Variants in IMMT observed in about 807,000 individuals in gnomAD.
IMMT encodes inner membrane mitochondrial protein.
Under a neutral mutation model 92.7 loss-of-function variants are expected in IMMT, and 40 were observed. The ratio of observed to expected loss-of-function variants is 0.43; its 90% CI spans 0.34 to 0.56. IMMT has a LOEUF of 0.56. IMMT is among the 20% of genes least tolerant of loss of function. The pLI is 0.03. For missense variants in IMMT, 831 were observed against 912.1 expected (o/e 0.91, Z 1.14); for synonymous variants, 322 against 336.1 (o/e 0.96, Z 0.46).
rs745452749 is a variant in IMMT, at chr2:86,195,308, T to G, written c.45+30A>C. The G allele has an allele frequency of 9.9e-5, 152 of 1,529,362 alleles. 3 individuals are homozygous for G. In the South Asian group the frequency reaches 1.8e-3, roughly 18 times the overall value. The allele number at this position is 1,529,362 out of a possible 1,614,324, so 94.7% of individuals were successfully genotyped here. On this transcript the variant is annotated intron_variant, in intron 1 of 14. Transcript: ENST00000410111. ...CGCTGACGGTTCTAGTTCAGCCTCCTCACGCGCCTCCGGGAGCCCCAGTGC... is the reference window on the plus strand; with the variant it reads ...CGCTGACGGTTCTAGTTCAGCCTCCGCACGCGCCTCCGGGAGCCCCAGTGC...
intron 7 of IMMT, among the ~76,000 whole-genome samples, chr2:86,163,532 T>C (rs1258527915): frequency 6.6e-6 from 1 of 152,128 alleles, no homozygotes; most frequent in Admixed American, 6.6e-5. Flanking sequence ...AAGAAAATGG[T>C]TTTAAATTTC....
At chr2:86,173,893 T>C in intron 3 of IMMT, 132 bp from the exon 4 acceptor site, 1 of 574,092 alleles carries the variant, frequency 1.7e-6, no homozygotes, top group South Asian at 2.1e-5. Context: ...GTAACATATG[T>C]ATTTTATTAA....
At chr2:86,145,513 A>G (rs906892518) in intron 14 of IMMT, among the ~76,000 whole-genome samples, 5 of 150,890 alleles carry the variant, frequency 3.3e-5, no homozygotes, top group Admixed American at 1.3e-4. Flanking sequence ...AAAAAAAAAA[A>G]AAAAAGAAAT....
At chr2:86,195,080 T>C (rs1673441211) in intron 1 of IMMT, 1 of 416,918 alleles carries the variant, frequency 2.4e-6, no homozygotes, top group East Asian at 3.7e-5. Flanking sequence ...AGCGCGGCCC[T>C]GATTGGACTA....
intron 8 of IMMT, among the ~76,000 whole-genome samples, chr2:86,160,310 G>A (rs1676179698): frequency 6.6e-6 from 1 of 152,176 alleles, no homozygotes; most frequent in Admixed American, 6.5e-5. Flanking sequence ...TGAATCATGA[G>A]CACACAATAA....
At position 86,144,434 on chromosome 2, in the gene IMMT, T is replaced by C. The variant is rs747799315; in HGVS notation, c.2111A>G (p.Glu704Gly). ...ASYCIEHGDLELAAKFVNQLK... is the reference protein window; with the variant it reads ...ASYCIEHGDLGLAAKFVNQLK... ...CTGATTGACAAACTTTGCTGCTAGCTCCAGATCACCATGCTCAATGCAATA... is the reference window on the plus strand; with the variant it reads ...CTGATTGACAAACTTTGCTGCTAGCCCCAGATCACCATGCTCAATGCAATA... Residue 704 changes from glutamate (E) to glycine (G), a missense_variant, in exon 15 of 15, where the codon GAG (glutamate) becomes GGG (glycine). Transcript: ENST00000410111. 4.3e-6 allele frequency: 7 copies of C among 1,613,870 alleles called. No homozygotes were observed. Among genetic ancestry groups the C allele is most frequent in the African/African-American group, 1.3e-5 (1 of 74,916 alleles).
intron 14 of IMMT, 41 bp from the exon 15 acceptor site, chr2:86,144,922 A>G (rs72839332): frequency 0.01 from 16,013 of 1,544,738 alleles, 93 homozygotes; most frequent in Non-Finnish European, 0.012. Flanking sequence ...TTTTCTCTCC[A>G]TCTGACAACA....
chr2:86,166,489 A>T lies in IMMT; in HGVS notation c.792+19T>A, dbSNP rs1573911194. 3 of 1,598,534 alleles carry T rather than the reference A, an allele frequency of 1.9e-6. No individual in the cohort carries two copies. The highest frequency in any genetic ancestry group is 1.7e-6 in the Non-Finnish European group (2 of 1,173,234). On this transcript the variant is annotated intron_variant, in intron 7 of 14. Coordinates refer to ENST00000410111, the MANE Select transcript of IMMT (RefSeq NM_006839.3). ...AAGTCATGACAGCCAGAACACTTCT[A>T]ATCATTCATTGGGCTCACCTCAGAA...
rs2105393014 is a variant in IMMT, at chr2:86,179,538, A to G, written c.204T>C (p.Asp68=). ...TCTCTACACTTTCCCGGAAATGGGA[A>G]TCCCATTTGGCATATAGGATAGTGC... ...IGGTILYAKW[D]SHFRESVEKT... The change falls in exon 3 of 15, where the codon GAT becomes GAC. Residue 68 remains aspartate, a synonymous_variant. Coordinates refer to ENST00000410111, the MANE Select transcript of IMMT (RefSeq NM_006839.3). 6.2e-7 allele frequency: 1 copy of G among 1,613,104 alleles called. No homozygotes were observed. Among genetic ancestry groups the G allele is most frequent in the East Asian group, 2.2e-5 (1 of 44,860 alleles).
At chr2:86,168,976 C>T (rs1238082212) in intron 6 of IMMT, among the ~76,000 whole-genome samples, 1 of 152,186 alleles carries the variant, frequency 6.6e-6, no homozygotes, top group Non-Finnish European at 1.5e-5. Flanking sequence ...AGAAAGTGGG[C>T]TGCTGGGAGG....
chr2:86,179,402 G>T, intron 3 of IMMT, 31 bp downstream of exon 3: 1 of 1,480,776 alleles, frequency 6.8e-7, no homozygotes, highest in Non-Finnish European at 9.0e-7. Flanking sequence ...TATTTCATTG[G>T]ATAAACTGAA....
intron 1 of IMMT, among the ~76,000 whole-genome samples, chr2:86,188,187 G>A (rs960926941): frequency 6.6e-6 from 1 of 151,832 alleles, no homozygotes; most frequent in Non-Finnish European, 1.5e-5. Flanking sequence ...TTACAGGTGT[G>A]TACCACCATG....
chr2:86,146,000 C>G, intron 14 of IMMT, 68 bp downstream of exon 14: 1 of 1,266,178 alleles, frequency 7.9e-7, no homozygotes, highest in Non-Finnish European at 1.1e-6. Context: ...CCCATTTTCC[C>G]TATAAAATTA....
chr2:86,162,093 T>C lies in IMMT; in HGVS notation c.793-14A>G. Reference sequence around the variant, plus strand: ...CTCGCCTGCAATCTAAACAAAAAATTTTAATTATATAATAAATAACTGCTA... The same window carrying C: ...CTCGCCTGCAATCTAAACAAAAAATCTTAATTATATAATAAATAACTGCTA... On this transcript the variant is annotated splice_polypyrimidine_tract_variant and intron_variant, in intron 7 of 14. Transcript: ENST00000410111. 1 of 1,484,956 alleles carries C rather than the reference T, an allele frequency of 6.7e-7. No individual in the cohort carries two copies. The highest frequency in any genetic ancestry group is 9.1e-7 in the Non-Finnish European group (1 of 1,098,086). The allele number at this position is 1,484,956 out of a possible 1,614,324, so 92.0% of individuals were successfully genotyped here.
At chr2:86,190,500 T>C (rs1020168054) in intron 1 of IMMT, among the ~76,000 whole-genome samples, 1 of 152,210 alleles carries the variant, frequency 6.6e-6, no homozygotes, top group African/African-American at 2.4e-5. Context: ...GGAAAGCCCA[T>C]GTCCTCCAAA....
chr2:86,159,062 CTTGG>C (rs1038573319), intron 9 of IMMT, among the ~76,000 whole-genome samples: 9 of 151,422 alleles, frequency 5.9e-5, no homozygotes, highest in Non-Finnish European at 1.2e-4. Context: ...GAACAATCCA[CTTGG>C]TTGGTGTCCA....
intron 7 of IMMT, 68 bp downstream of exon 7, chr2:86,166,440 C>T: frequency 6.8e-7 from 1 of 1,466,144 alleles, no homozygotes. Flanking sequence ...TTCTCTCCAC[C>T]CTCGATTTTT....
chr2:86,158,845 C>CCTGA lies in IMMT; in HGVS notation c.1033-125_1033-124insTCAG, dbSNP rs1240828888. 3.8e-5 allele frequency: 30 copies of CCTGA among 782,110 alleles called. 1 individual carries two copies. In the Middle Eastern group the frequency reaches 2.3e-3, roughly 60 times the overall value. 48.4% of individuals were successfully genotyped at this position (782,110 alleles called of 1,614,324 possible). On this transcript the variant is annotated intron_variant, in intron 9 of 14. Transcript: ENST00000410111. Reference sequence around the variant, plus strand: ...TGGAAATGTGTAAGGAAATCTGAAGCTCAGAAATAGAATATAAGCCTTATT... The same window carrying CCTGA: ...TGGAAATGTGTAAGGAAATCTGAAGCCTGATCAGAAATAGAATATAAGCCTTATT...
chr2:86,145,007 T>G, intron 14 of IMMT, 126 bp from the exon 15 acceptor site: 1 of 1,102,822 alleles, frequency 9.1e-7, no homozygotes, highest in Non-Finnish European at 1.3e-6. Flanking sequence ...GAGACTTTCT[T>G]ACAACCCCAC....
Sources: gnomAD v4.1 joint callset for allele counts (sites outside exome capture counted in the v4.1 genomes callset) on GRCh38, gnomAD v4.1.1 for gene constraint, MANE v1.5 for transcripts, NCBI Gene and HGNC (gene_info 2026-07-23, HGNC 2026-07-21) for gene names.